Variants in GRM7 observed in about 807,000 individuals in gnomAD.
GRM7 encodes glutamate metabotropic receptor 7.
Under a neutral mutation model 84.5 loss-of-function variants are expected in GRM7, and 35 were observed. The observed-to-expected ratio is 0.41, with a 90% confidence interval of 0.32 to 0.55. The LOEUF is 0.55. Ranked by LOEUF, GRM7 falls within the 20% of genes least tolerant of loss-of-function variation. GRM7 has a pLI of 0.19. For missense variants in GRM7, 1,003 were observed against 1,194.6 expected (o/e 0.84, Z 2.36); for synonymous variants, 487 against 455.1 (o/e 1.07, Z -0.89).
intron 6 of GRM7, among the ~76,000 whole-genome samples, chr3:7,456,106 T>C (rs758544935): frequency 1.4e-4 from 22 of 152,138 alleles, no homozygotes; most frequent in Admixed American, 1.2e-3. Context: ...TCAAACAATA[T>C]AAATTTTATT....
chr3:7,380,841 T>G (rs1410393664), intron 4 of GRM7, among the ~76,000 whole-genome samples: 1 of 152,212 alleles, frequency 6.6e-6, no homozygotes, highest in Non-Finnish European at 1.5e-5. Flanking sequence ...AATCAATTTC[T>G]GCTCCTCTGT....
chr3:7,490,720 TA>T (rs1191524010), intron 7 of GRM7, among the ~76,000 whole-genome samples: 1 of 152,140 alleles, frequency 6.6e-6, no homozygotes, highest in Non-Finnish European at 1.5e-5. Flanking sequence ...AAAGTCCTGT[TA>T]AAAAAGTTTT....
intron 8 of GRM7, among the ~76,000 whole-genome samples, chr3:7,671,125 T>G (rs1699903778): frequency 6.6e-6 from 1 of 152,104 alleles, no homozygotes; most frequent in Non-Finnish European, 1.5e-5. Context: ...GGAAAACATC[T>G]TGAAATCAAA....
chr3:6,897,361 G>T (rs554480893), intron 1 of GRM7, among the ~76,000 whole-genome samples: 1 of 152,164 alleles, frequency 6.6e-6, no homozygotes, highest in Non-Finnish European at 1.5e-5. Flanking sequence ...GAGCCCCAGT[G>T]TCTGTGTTTT....
At chr3:7,470,391 G>A (rs988182954) in intron 7 of GRM7, among the ~76,000 whole-genome samples, 1 of 152,232 alleles carries the variant, frequency 6.6e-6, no homozygotes, top group African/African-American at 2.4e-5. Context: ...TAAAGAAAAT[G>A]CTTTTGTGTG....
intron 3 of GRM7, among the ~76,000 whole-genome samples, chr3:7,306,167 A>G (rs1426986405): frequency 6.6e-6 from 1 of 152,154 alleles, no homozygotes; most frequent in Non-Finnish European, 1.5e-5. Flanking sequence ...ATTTTGGCCA[A>G]TATGTGAAAT....
chr3:7,042,081 T>G (rs1696643326), intron 1 of GRM7, among the ~76,000 whole-genome samples: 2 of 152,178 alleles, frequency 1.3e-5, no homozygotes, highest in Non-Finnish European at 2.9e-5. Flanking sequence ...CATCTCTTGA[T>G]CTGTATCCTT....
At position 7,303,420 on chromosome 3, in the gene GRM7, C is replaced by T. The variant is rs142768172; in HGVS notation, c.879-3078C>T. ...TCTGGTTTTATCTGCATAATGTGTA[C>T]GTGTTACAATTTTTAAATTATTAAT... On this transcript the variant is annotated intron_variant, in intron 3 of 9. Coordinates refer to ENST00000357716, the MANE Select transcript of GRM7 (RefSeq NM_000844.4). 4.9e-3 allele frequency among the ~76,000 whole-genome samples: 744 copies of T among 152,036 alleles called. 6 individuals carry two copies. The highest frequency in any genetic ancestry group is 0.017 in the African/African-American group (702 of 41,490).
intron 2 of GRM7, among the ~76,000 whole-genome samples, chr3:7,195,211 A>G (rs1695839766): frequency 6.6e-6 from 1 of 152,158 alleles, no homozygotes; most frequent in African/African-American, 2.4e-5. Context: ...AAAATTGAGC[A>G]CTTATAATTG....
At chr3:7,333,512 A>G (rs1701291492) in intron 4 of GRM7, among the ~76,000 whole-genome samples, 1 of 152,214 alleles carries the variant, frequency 6.6e-6, no homozygotes, top group South Asian at 2.1e-4. Context: ...AGATCTTTCC[A>G]CTGAAACAAC....
intron 1 of GRM7, among the ~76,000 whole-genome samples, chr3:7,131,003 TGAA>T: frequency 6.6e-6 from 1 of 152,198 alleles, no homozygotes; most frequent in Non-Finnish European, 1.5e-5. Flanking sequence ...TTATTAGTCC[TGAA>T]TAAACTTCAC....
At chr3:7,081,318 A>G (rs1404850900) in intron 1 of GRM7, among the ~76,000 whole-genome samples, 1 of 151,932 alleles carries the variant, frequency 6.6e-6, no homozygotes, top group Non-Finnish European at 1.5e-5. Flanking sequence ...CAATATTTAA[A>G]ATTTTCTCAT....
At position 7,441,994 on chromosome 3, in the gene GRM7, C is replaced by CT. The variant is rs530550323; in HGVS notation, c.1175-10603dup. 3.4e-3 allele frequency among the ~76,000 whole-genome samples: 509 copies of CT among 148,572 alleles called. 6 individuals are homozygous for CT. The highest frequency in any genetic ancestry group is 0.024 in the South Asian group (110 of 4,676). On this transcript the variant is annotated intron_variant, in intron 5 of 9. Coordinates refer to ENST00000357716, the MANE Select transcript of GRM7 (RefSeq NM_000844.4). ...TGGTTCCATATGACTTTTAGAATAG[C>CT]TTTTTTTTTTCTAATTCTGTGAAGA...
At chr3:7,125,011 C>T (rs1310617995) in intron 1 of GRM7, among the ~76,000 whole-genome samples, 2 of 152,132 alleles carry the variant, frequency 1.3e-5, no homozygotes, top group Non-Finnish European at 2.9e-5. Flanking sequence ...CGGGTCTCAG[C>T]TCACTGCAAC....
intron 8 of GRM7, among the ~76,000 whole-genome samples, chr3:7,672,091 G>C (rs1489486736): frequency 6.6e-6 from 1 of 151,732 alleles, no homozygotes; most frequent in Non-Finnish European, 1.5e-5. Flanking sequence ...CGGGGGGAGG[G>C]AAACAGTATT....
intron 8 of GRM7, among the ~76,000 whole-genome samples, chr3:7,660,902 G>GTAAT (rs1280396646): frequency 6.6e-6 from 1 of 152,192 alleles, no homozygotes; most frequent in African/African-American, 2.4e-5. Context: ...TGATTCTAGA[G>GTAAT]TAATAGTAAT....
chr3:6,957,788 C>T (rs916885561), intron 1 of GRM7, among the ~76,000 whole-genome samples: 1 of 152,066 alleles, frequency 6.6e-6, no homozygotes, highest in African/African-American at 2.4e-5. Flanking sequence ...GGTGAGAAAA[C>T]ACAGTGAAAA....
At chr3:7,058,591 A>T (rs1390568480) in intron 1 of GRM7, among the ~76,000 whole-genome samples, 1 of 151,922 alleles carries the variant, frequency 6.6e-6, no homozygotes, top group African/African-American at 2.4e-5. Flanking sequence ...TTTGTTAGAA[A>T]TGCTTGTTCC....
rs1413194280 is a variant in GRM7 at position 7,464,655 on chromosome 3, C to A, written c.1515+2933C>A. Reference sequence around the variant, plus strand: ...ACCATCCTGGCTAACACTGTGAAACCCCGTCTCTAAAAATACAAAAAAATT... The same window carrying A: ...ACCATCCTGGCTAACACTGTGAAACACCGTCTCTAAAAATACAAAAAAATT... On this transcript the variant is annotated intron_variant, in intron 7 of 9. Transcript: ENST00000357716. 2.6e-5 allele frequency among the ~76,000 whole-genome samples: 4 copies of A among 151,696 alleles called. No homozygotes were observed. In the South Asian group the frequency reaches 6.3e-4, roughly 24 times the overall value.
Sources: gnomAD v4.1 joint callset for allele counts (sites outside exome capture counted in the v4.1 genomes callset) on GRCh38, gnomAD v4.1.1 for gene constraint, MANE v1.5 for transcripts, NCBI Gene and HGNC (gene_info 2026-07-23, HGNC 2026-07-21) for gene names.